Variants in CEP85L observed in about 807,000 individuals in gnomAD.
The protein encoded by CEP85L is centrosomal protein 85L.
Under a neutral mutation model 100.3 loss-of-function variants are expected in CEP85L, and 60 were observed. The ratio of observed to expected loss-of-function variants is 0.60; its 90% CI spans 0.49 to 0.74. The LOEUF (loss-of-function observed/expected upper bound fraction) is 0.74, where lower values mean the gene tolerates loss of function less well. CEP85L is among the 30% of genes least tolerant of loss of function. The pLI, the probability that CEP85L is intolerant of heterozygous loss-of-function variation, is 0.00. For missense variants in CEP85L, 973 were observed against 936.2 expected, an observed-to-expected ratio of 1.04 and a Z score of -0.51; for synonymous variants, 319 against 322.7, an observed-to-expected ratio of 0.99 and a Z score of 0.12.
chr6:118,617,083 C>T (rs945217479), intron 2 of CEP85L, among the ~76,000 whole-genome samples: 7 of 151,958 alleles, frequency 4.6e-5, no homozygotes, highest in African/African-American at 1.7e-4. Context: ...TTGCGCTTTG[C>T]AGGAGATACA....
chr6:118,665,763 T>A (rs1776115524), intron 1 of CEP85L, among the ~76,000 whole-genome samples: 1 of 152,102 alleles, frequency 6.6e-6, no homozygotes. Context: ...TCCTCTAAGA[T>A]TAGTGTAAAA....
intron 2 of CEP85L, among the ~76,000 whole-genome samples, chr6:118,620,508 C>T (rs1217428699): frequency 6.6e-6 from 1 of 152,200 alleles, no homozygotes; most frequent in Non-Finnish European, 1.5e-5. Context: ...AAAAAACAAA[C>T]TGCCCCCTTG....
chr6:118,491,403 G>T, intron 6 of CEP85L: 2 of 977,844 alleles, frequency 2.0e-6, no homozygotes, highest in Non-Finnish European at 2.6e-6. Flanking sequence ...TGAAATCATA[G>T]ACTCAATAAG....
Position 118,481,940 on chromosome 6 carries a change from A to C in CEP85L, c.1591-7T>G, listed in dbSNP as rs779889246. 2 of 1,521,036 alleles carry C rather than the reference A, an allele frequency of 1.3e-6. No homozygotes were observed. Among genetic ancestry groups the C allele is most frequent in the Admixed American group, 4.0e-5 (2 of 49,870 alleles). The allele number at this position is 1,521,036 out of a possible 1,614,324, so 94.2% of individuals were successfully genotyped here. A position where few individuals can be genotyped will look rare whatever the true frequency, so the allele number is the denominator to read the frequency against. ...TTTCTTCCAGAATCTGCAGCTAAGG[A>C]GAAATGTTTTACAGTTCATTACACA... On this transcript the variant is annotated splice_region_variant and splice_polypyrimidine_tract_variant and intron_variant, in intron 7 of 12. Coordinates refer to ENST00000368491, the MANE Select transcript of CEP85L (RefSeq NM_001042475.3).
intron 1 of CEP85L, among the ~76,000 whole-genome samples, chr6:118,684,289 A>G (rs1776759313): frequency 6.6e-6 from 1 of 152,190 alleles, no homozygotes; most frequent in East Asian, 1.9e-4. Flanking sequence ...ACAAAAATGT[A>G]TAAAGCTTAA....
chr6:118,618,139 A>C (rs1326789633), intron 2 of CEP85L, among the ~76,000 whole-genome samples: 1 of 152,144 alleles, frequency 6.6e-6, no homozygotes, highest in Non-Finnish European at 1.5e-5. Context: ...ATCCAGGTTG[A>C]GACCATGGCC....
intron 1 of CEP85L, among the ~76,000 whole-genome samples, chr6:118,647,828 G>C (rs1775301093): frequency 6.6e-6 from 1 of 151,926 alleles, no homozygotes; most frequent in African/African-American, 2.4e-5. Flanking sequence ...TGAACAATAG[G>C]GTAATCTCAA....
At chr6:118,657,793 G>A (rs1775847911) in intron 1 of CEP85L, among the ~76,000 whole-genome samples, 1 of 152,234 alleles carries the variant, frequency 6.6e-6, no homozygotes. Context: ...TTACAAACTT[G>A]TGAAACTTAC....
intron 4 of CEP85L, among the ~76,000 whole-genome samples, chr6:118,516,952 GT>G (rs1776316848): frequency 6.6e-6 from 1 of 152,154 alleles, no homozygotes; most frequent in South Asian, 2.1e-4. Context: ...TTCAGTTTCA[GT>G]TTTCTGCATA....
intron 2 of CEP85L, among the ~76,000 whole-genome samples, chr6:118,588,268 G>A (rs1241463727): frequency 1.3e-5 from 2 of 152,276 alleles, no homozygotes; most frequent in South Asian, 2.1e-4. Flanking sequence ...ATAGCCAGAG[G>A]TATATTCTGG....
intron 7 of CEP85L, among the ~76,000 whole-genome samples, chr6:118,483,348 G>T (rs1773932241): frequency 6.6e-6 from 1 of 152,058 alleles, no homozygotes; most frequent in African/African-American, 2.4e-5. Flanking sequence ...TATCTAGAAA[G>T]ATAGTCAACA....
At chr6:118,516,400 C>T (rs1474765446) in intron 4 of CEP85L, among the ~76,000 whole-genome samples, 1 of 152,198 alleles carries the variant, frequency 6.6e-6, no homozygotes, top group African/African-American at 2.4e-5. Context: ...CTCTCCACAT[C>T]CTCTCCAGCA....
At chr6:118,590,943 A>G (rs1327750092) in intron 2 of CEP85L, among the ~76,000 whole-genome samples, 2 of 152,140 alleles carry the variant, frequency 1.3e-5, no homozygotes, top group East Asian at 3.9e-4. Context: ...CATCGGAGCC[A>G]TATCACCTAC....
chr6:118,648,778 C>A (rs1260537099), intron 1 of CEP85L, among the ~76,000 whole-genome samples: 3 of 150,384 alleles, frequency 2.0e-5, no homozygotes, highest in African/African-American at 4.9e-5. Flanking sequence ...TTCTATAGTA[C>A]CTTTGGCTTT....
intron 2 of CEP85L, among the ~76,000 whole-genome samples, chr6:118,608,350 C>T (rs1029940875): frequency 6.6e-6 from 1 of 152,034 alleles, no homozygotes; most frequent in Non-Finnish European, 1.5e-5. Flanking sequence ...AAAAAATTAG[C>T]CAGGCGTGGT....
At chr6:118,701,458 T>C (rs73515253) in intron 1 of CEP85L, among the ~76,000 whole-genome samples, 1,678 of 152,242 alleles carry the variant, frequency 0.011, 35 homozygotes, top group African/African-American at 0.038. Context: ...AAAGAACAAG[T>C]TCGTGTCCTT....
At chr6:118,665,531 G>A (rs1323566223) in intron 1 of CEP85L, among the ~76,000 whole-genome samples, 1 of 151,664 alleles carries the variant, frequency 6.6e-6, no homozygotes, top group Non-Finnish European at 1.5e-5. Context: ...GCTACTTTTT[G>A]TGTTTTTTAT....
chr6:118,562,043 A>G (rs937621126), intron 3 of CEP85L, among the ~76,000 whole-genome samples: 3 of 152,196 alleles, frequency 2.0e-5, no homozygotes, highest in African/African-American at 7.2e-5. Context: ...AACTTGACAG[A>G]TGAAAAAAGT....
upstream of CEP85L, among the ~76,000 whole-genome samples, chr6:118,655,400 A>G (rs142601289): frequency 7.2e-5 from 11 of 152,380 alleles, no homozygotes; most frequent in African/African-American, 2.6e-4. Context: ...CAATGTTTTC[A>G]GGAACTGCTT....
Sources: gnomAD v4.1 joint callset for allele counts (sites outside exome capture counted in the v4.1 genomes callset) on GRCh38, gnomAD v4.1.1 for gene constraint, MANE v1.5 for transcripts, NCBI Gene and HGNC (gene_info 2026-07-23, HGNC 2026-07-21) for gene names.